Variants in SEPHS1 observed in about 807,000 individuals in gnomAD.
The protein encoded by SEPHS1 is zincore component SEPHS1.
A neutral mutation model predicts 39.2 loss-of-function variants in SEPHS1; 7 were observed. The observed-to-expected ratio is 0.18, with a 90% CI of 0.10 to 0.34. SEPHS1 has a LOEUF of 0.34. Ranked by LOEUF, SEPHS1 falls within the 10% of genes least tolerant of loss-of-function variation. The probability of loss-of-function intolerance (pLI) is 1.00; values close to 1 mark genes in which losing one functional copy is unlikely to be tolerated. For missense variants in SEPHS1, 253 were observed against 514.5 expected (o/e 0.49, Z 4.92); for synonymous variants, 190 against 195.5 (o/e 0.97, Z 0.23).
At chr10:13,336,059 G>GCT (rs1833623469) in intron 4 of SEPHS1, among the ~76,000 whole-genome samples, 184 bp downstream of exon 4, 1 of 151,388 alleles carries the variant, frequency 6.6e-6, no homozygotes, top group African/African-American at 2.4e-5. Flanking sequence ...GTGCAGAGAT[G>GCT]ACTAGGCCAG....
At chr10:13,334,063 C>A (rs1422956768) in intron 4 of SEPHS1, 92 bp from the exon 5 acceptor site, 1 of 1,173,598 alleles carries the variant, frequency 8.5e-7, no homozygotes, top group African/African-American at 1.5e-5. Context: ...TAAAAAGAAC[C>A]ATAAAATCCT....
chr10:13,345,491 G>C (rs532089713), intron 1 of SEPHS1: 1 of 152,286 alleles, frequency 6.6e-6, no homozygotes, highest in African/African-American at 2.4e-5. Context: ...ATACAAACTT[G>C]TCAGAAAAGG....
intron 7 of SEPHS1, among the ~76,000 whole-genome samples, chr10:13,324,777 A>G (rs1313655180): frequency 6.6e-6 from 1 of 152,122 alleles, no homozygotes; most frequent in Non-Finnish European, 1.5e-5. Flanking sequence ...TGCCCAGCTA[A>G]TTTTTTGTAT....
chr10:13,339,254 G>A (rs966440090), intron 2 of SEPHS1, among the ~76,000 whole-genome samples: 15 of 152,084 alleles, frequency 9.9e-5, no homozygotes, highest in African/African-American at 3.6e-4. Flanking sequence ...CAGAAACCAT[G>A]TAAAATATTT....
Position 13,344,761 on chromosome 10 carries a change from G to A in SEPHS1, c.190C>T (p.Leu64Phe), listed in dbSNP as rs771511207. The change falls in exon 2 of 9, where the codon CTT becomes TTT. Residue 64 changes from leucine (L) to phenylalanine (F), a missense_variant. Leu to Phe is a conservative substitution (Grantham distance 22). Transcript: ENST00000327347. ...AAAGAAACACTGGGTTACCTACCAA[G>A]CCTTGGCATAACGGCTCCCAGAAAC... is the stretch of plus-strand genomic sequence containing the variant. ...EQFLGAVMPR[L>F]GIGMDTCVIP... 6.6e-7 allele frequency: 1 copy of A among 1,517,860 alleles called. No homozygotes were observed. 94.0% of individuals were successfully genotyped at this position (1,517,860 alleles called of 1,614,324 possible).
chr10:13,331,293 A>AT (rs1564447533), intron 5 of SEPHS1, among the ~76,000 whole-genome samples: 1 of 152,190 alleles, frequency 6.6e-6, no homozygotes. Flanking sequence ...TGCAATAAAC[A>AT]TATGTGTGCA....
In SEPHS1 at chr10:13,322,980, G is replaced by T; in HGVS notation, c.819C>A (p.Gly273=). 3.1e-6 allele frequency: 5 copies of T among 1,614,050 alleles called. No homozygotes were observed. The highest frequency in any genetic ancestry group is 3.4e-6 in the Non-Finnish European group (4 of 1,180,006). ...ATDITGFGIL[G]HAQNLAKQQR... Reference sequence around the variant, plus strand: ...GCTGCTTGGCCAGGTTCTGCGCATGGCCCAAAATCCCGAAGCCCGTGATGT... The same window carrying T: ...GCTGCTTGGCCAGGTTCTGCGCATGTCCCAAAATCCCGAAGCCCGTGATGT... Residue 273 remains glycine (G), a synonymous_variant, in exon 8 of 9, where the codon GGC becomes GGA. Coordinates refer to ENST00000327347, the MANE Select transcript of SEPHS1 (RefSeq NM_012247.5).
chr10:13,322,379 C>T (rs1216577379), intron 8 of SEPHS1, among the ~76,000 whole-genome samples: 1 of 152,024 alleles, frequency 6.6e-6, no homozygotes, highest in African/African-American at 2.4e-5. Context: ...CTCCTGATCT[C>T]ACGTGATGTG....
rs917013768 is a variant in SEPHS1 at position 13,343,591 on chromosome 10, A to G, written c.193+1167T>C. On this transcript the variant is annotated intron_variant, in intron 2 of 8. Coordinates refer to ENST00000327347, the MANE Select transcript of SEPHS1 (RefSeq NM_012247.5). ...CACTTTGGGAGGCTGAGGCAGGCAG[A>G]TCACCTGAGGTCAGGAGTTCGAGAA... 3.9e-5 allele frequency among the ~76,000 whole-genome samples: 6 copies of G among 152,294 alleles called. No individual in the cohort carries two copies. The East Asian group carries it at 1.2e-3, about 29-fold the overall frequency.
intron 2 of SEPHS1, among the ~76,000 whole-genome samples, chr10:13,339,080 T>C (rs182064710): frequency 2.0e-4 from 31 of 152,340 alleles, no homozygotes; most frequent in Admixed American, 9.8e-4. Context: ...TGAATAAAAA[T>C]CTTTTTCACT....
At chr10:13,331,962 G>A (rs1007661303) in intron 5 of SEPHS1, among the ~76,000 whole-genome samples, 14 of 152,198 alleles carry the variant, frequency 9.2e-5, no homozygotes, top group Admixed American at 3.3e-4. Flanking sequence ...GTAAAATGGC[G>A]CAGCCATGTT....
At chr10:13,319,942 T>C (rs1833052363) in intron 8 of SEPHS1, among the ~76,000 whole-genome samples, 1 of 152,218 alleles carries the variant, frequency 6.6e-6, no homozygotes, top group South Asian at 2.1e-4. Flanking sequence ...GTGGTAGCTA[T>C]TTTTTCCAAG....
chr10:13,324,546 T>C (rs984664344), intron 7 of SEPHS1, among the ~76,000 whole-genome samples: 1 of 152,266 alleles, frequency 6.6e-6, no homozygotes, highest in African/African-American at 2.4e-5. Context: ...TTTTCAGTCC[T>C]ACCAGTAATA....
intron 8 of SEPHS1, among the ~76,000 whole-genome samples, chr10:13,320,738 G>A (rs1309931680): frequency 6.6e-6 from 1 of 152,062 alleles, no homozygotes; most frequent in African/African-American, 2.4e-5. Flanking sequence ...TGAGGCAAGA[G>A]AATCGCTTGA....
intron 5 of SEPHS1, among the ~76,000 whole-genome samples, chr10:13,333,394 A>C (rs987106120): frequency 1.3e-5 from 2 of 151,198 alleles, no homozygotes; most frequent in African/African-American, 4.9e-5. Context: ...TGGCCTCCAA[A>C]AGCGCTGGGA....
At chr10:13,333,466 A>G (rs1449032178) in intron 5 of SEPHS1, among the ~76,000 whole-genome samples, 1 of 140,904 alleles carries the variant, frequency 7.1e-6, no homozygotes, top group East Asian at 2.1e-4. Flanking sequence ...TTGGAGACAG[A>G]ATCTTGTTCT....
chr10:13,322,029 C>T, intron 8 of SEPHS1: 2 of 455,002 alleles, frequency 4.4e-6, no homozygotes, highest in South Asian at 3.1e-5. Context: ...TCCCGTTTAT[C>T]CTCCATTTAT....
At chr10:13,345,178 C>T (rs1833888253) in intron 1 of SEPHS1, 150 bp from the exon 2 acceptor site, 1 of 383,680 alleles carries the variant, frequency 2.6e-6, no homozygotes, top group Non-Finnish European at 4.6e-6. Context: ...GTGCATATGA[C>T]AAAATAGATC....
intron 1 of SEPHS1, chr10:13,345,398 AAG>A (rs1203800040): frequency 6.4e-6 from 1 of 155,444 alleles, no homozygotes; most frequent in Non-Finnish European, 1.4e-5. Flanking sequence ...GTGGTTCAGA[AAG>A]CGGCGGTCCT....
Sources: gnomAD v4.1 joint callset for allele counts (sites outside exome capture counted in the v4.1 genomes callset) on GRCh38, gnomAD v4.1.1 for gene constraint, MANE v1.5 for transcripts, NCBI Gene and HGNC (gene_info 2026-07-23, HGNC 2026-07-21) for gene names.